Variants in TC2N observed in about 807,000 individuals in gnomAD.
TC2N encodes the protein tandem C2 domains, nuclear, also known as tandem C2 domains nuclear protein.
A neutral mutation model predicts 61.9 loss-of-function variants in TC2N; 51 were observed. That is an observed-to-expected ratio of 0.82 (90% CI 0.66 to 1.04). The LOEUF is 1.04. TC2N is among the 50% of genes least tolerant of loss of function. The probability of loss-of-function intolerance (pLI) is 0.00; values close to 1 mark genes in which losing one functional copy is unlikely to be tolerated. For missense variants in TC2N, 556 were observed against 566.7 expected (o/e 0.98, Z 0.19); for synonymous variants, 204 against 192.6 (o/e 1.06, Z -0.49).
In TC2N at chr14:91,837,552, T is replaced by C. The variant is rs1402285777; in HGVS notation, c.-56-23727A>G. Among the ~76,000 whole-genome samples the C allele has an allele frequency of 6.6e-6, 1 of 152,110 alleles. No individual in the cohort carries two copies. The highest frequency in any genetic ancestry group is 2.4e-5 in the African/African-American group (1 of 41,426). On this transcript the variant is annotated intron_variant, in intron 1 of 11. Transcript: ENST00000435962. The surrounding 1 kb of genome is among the most constrained non-coding windows in gnomAD (Gnocchi z 4.2). ...GGTGCCAGCCTGGGTGGTGGGACTG[T>C]AAAATTGAAAGAAAGGTTCATACTT...
At chr14:91,783,266 TCAGA>T in intron 11 of TC2N, 56 bp from the exon 12 acceptor site, 1 of 993,662 alleles carries the variant, frequency 1.0e-6, no homozygotes, top group South Asian at 1.5e-5. Context: ...ATAACTACAT[TCAGA>T]CAGTTAGTTA....
chr14:91,821,580 C>T (rs1355742061), intron 1 of TC2N, among the ~76,000 whole-genome samples: 1 of 151,942 alleles, frequency 6.6e-6, no homozygotes, highest in Non-Finnish European at 1.5e-5. Context: ...TCTTTGTAAA[C>T]TTGGGTTAGG....
intron 1 of TC2N, among the ~76,000 whole-genome samples, chr14:91,838,973 A>AT (rs1888116928): frequency 6.6e-6 from 1 of 151,998 alleles, no homozygotes; most frequent in Admixed American, 6.5e-5. Context: ...GTTTTTGTTT[A>AT]TTTTTTAATT....
chr14:91,798,394 T>G lies in TC2N; in HGVS notation c.643A>C (p.Ile215Leu). 6.5e-7 allele frequency: 1 copy of G among 1,531,632 alleles called. No homozygotes were observed. Among genetic ancestry groups the G allele is most frequent in the Non-Finnish European group, 8.9e-7 (1 of 1,118,866 alleles). The allele number at this position is 1,531,632 out of a possible 1,614,324, so 94.9% of individuals were successfully genotyped here. ...TCCCTTTCATCTCCTGATAGAGTAA[T>G]TGTATCTGAATTATAAAAGGACAAA... ...SQGSNRSLDT[I>L]TLSGDERDFG... The change falls in exon 7 of 12, where the codon ATT becomes CTT. Residue 215 changes from isoleucine (I) to leucine (L), a missense_variant. Physicochemically the swap from Ile to Leu is conservative, Grantham distance 5. Coordinates refer to ENST00000435962, the MANE Select transcript of TC2N (RefSeq NM_001128596.3).
At chr14:91,825,859 T>C (rs931279128) in intron 1 of TC2N, among the ~76,000 whole-genome samples, 4 of 152,232 alleles carry the variant, frequency 2.6e-5, no homozygotes, top group African/African-American at 9.6e-5. Flanking sequence ...ATCTTATTGA[T>C]ATTGATTTGT....
chr14:91,828,522 G>GA, intron 1 of TC2N, among the ~76,000 whole-genome samples: 1 of 151,866 alleles, frequency 6.6e-6, no homozygotes, highest in East Asian at 1.9e-4. Flanking sequence ...CACACTTTCA[G>GA]AAAAATCTAT....
intron 1 of TC2N, among the ~76,000 whole-genome samples, chr14:91,822,011 T>C (rs1358479182): frequency 6.6e-6 from 1 of 152,228 alleles, no homozygotes; most frequent in Non-Finnish European, 1.5e-5. Flanking sequence ...TCCAAATGTT[T>C]ATGATATGTG....
intron 10 of TC2N, among the ~76,000 whole-genome samples, chr14:91,786,005 C>T (rs1451685332): frequency 3.9e-5 from 6 of 152,178 alleles, no homozygotes; most frequent in African/African-American, 1.4e-4. Flanking sequence ...ATCTGACTGA[C>T]ACACAGTGCC....
rs115436796 is a variant in TC2N at position 91,841,909 on chromosome 14, T to G, written c.-57+25353A>C. Among the ~76,000 whole-genome samples, 644 of 151,588 alleles carry G rather than the reference T, an allele frequency of 4.2e-3. 7 individuals carry two copies. Among genetic ancestry groups the G allele is most frequent in the African/African-American group, 0.015 (610 of 41,384 alleles). On this transcript the variant is annotated intron_variant, in intron 1 of 11. Coordinates refer to ENST00000435962, the MANE Select transcript of TC2N (RefSeq NM_001128596.3). ...TCCCTGATTAAACCCCTCCAATACATCATTCATGTTCTTGGCTACCTAGCA... is the reference window on the plus strand; with the variant it reads ...TCCCTGATTAAACCCCTCCAATACAGCATTCATGTTCTTGGCTACCTAGCA...
intron 3 of TC2N, among the ~76,000 whole-genome samples, chr14:91,811,036 T>G (rs560454592): frequency 4.6e-5 from 7 of 152,246 alleles, no homozygotes; most frequent in Non-Finnish European, 1.0e-4. Flanking sequence ...TTTGTCAATA[T>G]TCAACAAATA....
intron 1 of TC2N, among the ~76,000 whole-genome samples, chr14:91,820,706 A>AT (rs1887207332): frequency 6.6e-6 from 1 of 151,630 alleles, no homozygotes; most frequent in South Asian, 2.1e-4. Flanking sequence ...TTGTAAATAA[A>AT]AAAAAAAAAT....
At chr14:91,865,046 C>T (rs906694896) in intron 1 of TC2N, among the ~76,000 whole-genome samples, 1 of 152,028 alleles carries the variant, frequency 6.6e-6, no homozygotes, top group East Asian at 1.9e-4. Flanking sequence ...TCCCAGATTA[C>T]AGGCATGAGC....
At chr14:91,866,967 A>T (rs1449320646) in intron 1 of TC2N, among the ~76,000 whole-genome samples, 1 of 152,138 alleles carries the variant, frequency 6.6e-6, no homozygotes, top group African/African-American at 2.4e-5. Flanking sequence ...TTTAGGCCCA[A>T]GTGTATTTTA....
At chr14:91,806,894 A>G (rs1886532085) in intron 3 of TC2N, among the ~76,000 whole-genome samples, 1 of 152,238 alleles carries the variant, frequency 6.6e-6, no homozygotes. Context: ...TCACAGGCCC[A>G]GAGGTCCAGG....
At chr14:91,825,176 G>A (rs1026814116) in intron 1 of TC2N, among the ~76,000 whole-genome samples, 4 of 151,764 alleles carry the variant, frequency 2.6e-5, no homozygotes, top group African/African-American at 9.7e-5. Flanking sequence ...TGGGATTACA[G>A]GCACCCGCTA....
At chr14:91,819,591 T>G (rs764395212) in intron 1 of TC2N, among the ~76,000 whole-genome samples, 2 of 151,884 alleles carry the variant, frequency 1.3e-5, no homozygotes, top group Non-Finnish European at 2.9e-5. Context: ...TAATATCTGA[T>G]AGAAATATGA....
chr14:91,862,585 C>T lies in TC2N; in HGVS notation c.-57+4677G>A, dbSNP rs142732173. 1.4e-3 allele frequency among the ~76,000 whole-genome samples: 216 copies of T among 152,292 alleles called. 2 individuals carry two copies. Among genetic ancestry groups the T allele is most frequent in the African/African-American group, 4.8e-3 (201 of 41,568 alleles). The stretch of plus-strand genomic sequence containing the variant: ...AGGCAATTTCCTAGGATGGAAGCCT[C>T]CTGCTGCTGCAGATCAAGTGTGAGG... On this transcript the variant is annotated intron_variant, in intron 1 of 11. Coordinates refer to ENST00000435962, the MANE Select transcript of TC2N (RefSeq NM_001128596.3).
At chr14:91,802,128 G>T in intron 4 of TC2N, 126 bp downstream of exon 4, 1 of 779,464 alleles carries the variant, frequency 1.3e-6, no homozygotes, top group Non-Finnish European at 1.9e-6. Flanking sequence ...TCACATTTAT[G>T]AAGCTTGTTT....
At chr14:91,800,585 A>C (rs1209015904) in intron 4 of TC2N, among the ~76,000 whole-genome samples, 1 of 152,128 alleles carries the variant, frequency 6.6e-6, no homozygotes, top group Non-Finnish European at 1.5e-5. Flanking sequence ...CAAATCAAAC[A>C]ACACATTTTC....
Sources: allele counts gnomAD v4.1 joint callset (sites outside exome capture counted in the v4.1 genomes callset), GRCh38; gene constraint gnomAD v4.1.1; non-coding constraint Gnocchi (gnomAD v3.1); transcripts MANE v1.5; gene names NCBI Gene and HGNC (gene_info 2026-07-23, HGNC 2026-07-21).